Variants in EPHA8 observed in about 807,000 individuals in gnomAD.
EPHA8 encodes ephrin type-A receptor 8.
Under a neutral mutation model 103.6 loss-of-function variants are expected in EPHA8, and 58 were observed. The ratio of observed to expected loss-of-function variants is 0.56; its 90% CI spans 0.45 to 0.70. The LOEUF (loss-of-function observed/expected upper bound fraction) is 0.70. EPHA8 is among the 30% of genes least tolerant of loss of function. EPHA8 has a pLI of 0.00. For synonymous variants in EPHA8, 559 were observed against 572.5 expected (o/e 0.98, Z 0.34); for missense variants, 1,304 against 1,395.2 (o/e 0.93, Z 1.04).
At chr1:22,570,676 G>A (rs939529874) in intron 2 of EPHA8, among the ~76,000 whole-genome samples, 20 of 152,248 alleles carry the variant, frequency 1.3e-4, no homozygotes, top group African/African-American at 4.8e-4. Context: ...GGTGAGCTGA[G>A]CCTGTTATCA....
chr1:22,576,456 G>T lies in EPHA8; in HGVS notation c.399G>T (p.Leu133=). The change falls in exon 3 of 17, where the codon CTG becomes CTT. Residue 133 remains leucine (L), a synonymous_variant. Coordinates refer to ENST00000166244, the MANE Select transcript of EPHA8 (RefSeq NM_020526.5). This position sits in a 1 kb window ranked among gnomAD's most constrained non-coding sequence, Gnocchi z 4.8. ...NLYYLESDRD[L]GASTQESQFL... ...ACTACCTGGAGTCGGACCGCGACCTGGGGGCCAGCACACAAGAAAGCCAGT... is the reference window on the plus strand; with the variant it reads ...ACTACCTGGAGTCGGACCGCGACCTTGGGGCCAGCACACAAGAAAGCCAGT... The T allele has an allele frequency of 6.2e-7, 1 of 1,614,082 alleles. No homozygotes were observed. The highest frequency in any genetic ancestry group is 8.5e-7 in the Non-Finnish European group (1 of 1,180,040).
At position 22,586,554 on chromosome 1, in the gene EPHA8, G is replaced by A. The variant is rs141028919; in HGVS notation, c.898G>A (p.Ala300Thr). The change falls in exon 4 of 17, where the codon GCA (alanine) becomes ACA (threonine). Residue 300 changes from alanine to threonine, a missense_variant. Transcript: ENST00000166244. The part of the protein sequence containing the change: ...CARCPPHSHS[A>T]APAAQACHCD... ...CCGCTGCCCTCCCCACAGCCACTCC[G>A]CAGCTCCAGCCGCCCAAGCCTGCCA... is the stretch of plus-strand genomic sequence containing the variant. The A allele has an allele frequency of 8.7e-6, 14 of 1,613,658 alleles. No individual in the cohort carries two copies. The highest frequency in any genetic ancestry group is 3.3e-5 in the Admixed American group (2 of 59,986).
intron 4 of EPHA8, among the ~76,000 whole-genome samples, chr1:22,588,419 G>A (rs923746719): frequency 1.3e-5 from 2 of 152,194 alleles, no homozygotes; most frequent in African/African-American, 4.8e-5. Context: ...GCTTCTGGGG[G>A]CCTCCACTTA....
Position 22,603,371 on chromosome 1 carries a change from G to C in EPHA8, c.*1630G>C, listed in dbSNP as rs965304603. The C allele has an allele frequency of 8.1e-6, 1 of 123,544 alleles. No individual in the cohort carries two copies. The highest frequency in any genetic ancestry group is 1.9e-5 in the Non-Finnish European group (1 of 53,878). The allele number at this position is 123,544 out of a possible 1,614,324, so 7.7% of individuals were successfully genotyped here. ...CGGAAACATGGTCAGAACACGATCT[G>C]GGGGGGGGATCCTGTCTTCCTCCCC... On this transcript the variant is annotated 3_prime_UTR_variant, in exon 17 of 17. Transcript: ENST00000166244.
At chr1:22,596,035 T>C in intron 8 of EPHA8, 71 bp from the exon 9 acceptor site, 1 of 1,437,998 alleles carries the variant, frequency 7.0e-7, no homozygotes, top group Non-Finnish European at 9.8e-7. Context: ...CCATGACTCG[T>C]TCCCTGGTTG....
At position 22,576,514 on chromosome 1, in the gene EPHA8, A is replaced by C; in HGVS notation, c.457A>C (p.Ser153Arg). 1 of 1,614,104 alleles carries C rather than the reference A, an allele frequency of 6.2e-7. No individual in the cohort carries two copies. The highest frequency in any genetic ancestry group is 8.5e-7 in the Non-Finnish European group (1 of 1,180,032). Reference sequence around the variant, plus strand: ...AATCGACACCATTGCGGCCGACGAGAGCTTCACAGGTGCCGACCTTGGTGT... The same window carrying C: ...AATCGACACCATTGCGGCCGACGAGCGCTTCACAGGTGCCGACCTTGGTGT... Reference protein sequence around the residue: ...LKIDTIAADESFTGADLGVRR... With the variant: ...LKIDTIAADERFTGADLGVRR... The change falls in exon 3 of 17, where the codon AGC becomes CGC. Residue 153 changes from serine to arginine, a missense_variant. Transcript: ENST00000166244. The surrounding 1 kb of genome is among the most constrained non-coding windows in gnomAD (Gnocchi z 4.8).
intron 3 of EPHA8, among the ~76,000 whole-genome samples, chr1:22,578,032 T>A (rs1186085419): frequency 2.4e-4 from 1 of 4,230 alleles, no homozygotes; most frequent in East Asian, 0.012. Flanking sequence ...CATGTGTGCA[T>A]GTGTATGTAT....
rs1178551263 is a variant in EPHA8 at position 22,569,590 on chromosome 1, C to T, written c.159+237C>T. 1.3e-5 allele frequency among the ~76,000 whole-genome samples: 2 copies of T among 152,200 alleles called. No individual in the cohort carries two copies. Among genetic ancestry groups the T allele is most frequent in the African/African-American group, 4.8e-5 (2 of 41,452 alleles). On this transcript the variant is annotated intron_variant, in intron 2 of 16. Transcript: ENST00000166244. This position sits in a 1 kb window ranked among gnomAD's most constrained non-coding sequence, Gnocchi z 4.5. ...TCCCTGATTCTTCAAGTCTGAGGCC[C>T]TAGGTCCGGGGATCCCCATGGCTGC...
chr1:22,594,518 C>G lies in EPHA8; in HGVS notation c.1604-712C>G, dbSNP rs565360251. On this transcript the variant is annotated intron_variant, in intron 7 of 16. Coordinates refer to ENST00000166244, the MANE Select transcript of EPHA8 (RefSeq NM_020526.5). ...GGGTTTTAACAAGTCCTCGGTGATCCCCAGGCACTGTCACATTTGGGACCC... is the reference window on the plus strand; with the variant it reads ...GGGTTTTAACAAGTCCTCGGTGATCGCCAGGCACTGTCACATTTGGGACCC... Among the ~76,000 whole-genome samples, 53 of 152,328 alleles carry G rather than the reference C, an allele frequency of 3.5e-4. No individual in the cohort carries two copies. The South Asian group carries it at 8.5e-3, about 24-fold the overall frequency.
In EPHA8 at chr1:22,598,886, G is replaced by A. The variant is rs138538362; in HGVS notation, c.2227G>A (p.Gly743Arg). Residue 743 changes from glycine to arginine, a missense_variant, in exon 13 of 17, where the codon GGA becomes AGA. Physicochemically the swap from Gly to Arg is moderately radical, Grantham distance 125. Coordinates refer to ENST00000166244, the MANE Select transcript of EPHA8 (RefSeq NM_020526.5). The surrounding 1 kb of genome is among the most constrained non-coding windows in gnomAD (Gnocchi z 5.1). ...TIMQLVGMLR[G>R]VGAGMRYLSD... ...CATGCAGCTGGTGGGCATGCTGAGA[G>A]GAGTGGGTGCCGGCATGCGCTACCT... The A allele has an allele frequency of 6.2e-6, 10 of 1,613,024 alleles. No individual in the cohort carries two copies. Among genetic ancestry groups the A allele is most frequent in the Non-Finnish European group, 8.5e-6 (10 of 1,179,990 alleles).
chr1:22,587,457 T>C (rs902398596), intron 4 of EPHA8, among the ~76,000 whole-genome samples: 2 of 152,178 alleles, frequency 1.3e-5, no homozygotes, highest in African/African-American at 2.4e-5. Context: ...TGTGGCTGCA[T>C]GTGCACGTGC....
Position 22,601,406 on chromosome 1 carries a change from C to T in EPHA8, c.2836C>T (p.Arg946Trp), listed in dbSNP as rs752835457. 57 of 1,611,284 alleles carry T rather than the reference C, an allele frequency of 3.5e-5. No individual in the cohort carries two copies. Among genetic ancestry groups the T allele is most frequent in the Non-Finnish European group, 4.3e-5 (51 of 1,179,856 alleles). Reference sequence around the variant, plus strand: ...CTGGCTGGACTCCATCCGCATGGGCCGGTACCGAGACCACTTCGCTGCGGG... The same window carrying T: ...CTGGCTGGACTCCATCCGCATGGGCTGGTACCGAGACCACTTCGCTGCGGG... ...GDWLDSIRMG[R>W]YRDHFAAGGY... The change falls in exon 16 of 17, where the codon CGG (arginine) becomes TGG (tryptophan). Residue 946 changes from arginine to tryptophan, a missense_variant. Physicochemically the swap from Arg to Trp is moderately radical, Grantham distance 101 (BLOSUM62 -3). Coordinates refer to ENST00000166244, the MANE Select transcript of EPHA8 (RefSeq NM_020526.5).
intron 15 of EPHA8, 34 bp from the exon 16 acceptor site, chr1:22,601,266 C>A (rs1193503941): frequency 6.3e-7 from 1 of 1,579,798 alleles, no homozygotes; most frequent in African/African-American, 1.4e-5. Flanking sequence ...CTCCCGAACC[C>A]TCTGGCCACT....
rs955539457 is a variant in EPHA8 at position 22,602,305 on chromosome 1, C to T, written c.*564C>T. The T allele has an allele frequency of 6.2e-6, 1 of 160,768 alleles. No homozygotes were observed. Among genetic ancestry groups the T allele is most frequent in the African/African-American group, 2.4e-5 (1 of 41,420 alleles). 10.0% of individuals were successfully genotyped at this position (160,768 alleles called of 1,614,324 possible). A position where few individuals can be genotyped will look rare whatever the true frequency, so the allele number is the denominator to read the frequency against. On this transcript the variant is annotated 3_prime_UTR_variant, in exon 17 of 17. Transcript: ENST00000166244. ...CATGGGGGCGGGGGAGAGGCTCACCCCTACGTCCCCCCACACCTGGAGGCT... is the reference window on the plus strand; with the variant it reads ...CATGGGGGCGGGGGAGAGGCTCACCTCTACGTCCCCCCACACCTGGAGGCT...
rs574691352 is a variant in EPHA8 at position 22,568,384 on chromosome 1, G to A, written c.95-905G>A. 3.9e-5 allele frequency among the ~76,000 whole-genome samples: 6 copies of A among 152,276 alleles called. No individual in the cohort carries two copies. The South Asian group carries it at 1.2e-3, about 32-fold the overall frequency. ...TGGACCAGTGCTCCTTCCCTGCCGT[G>A]GAGACTACCCAGAGGTTCTGTTTCT... On this transcript the variant is annotated intron_variant, in intron 1 of 16. Transcript: ENST00000166244.
At position 22,599,067 on chromosome 1, in the gene EPHA8, TC is replaced by T. The variant is rs1424597597; in HGVS notation, c.2388+22del. 2 of 1,577,936 alleles carry T rather than the reference TC, an allele frequency of 1.3e-6. No individual in the cohort carries two copies. The highest frequency in any genetic ancestry group is 2.7e-5 in the African/African-American group (2 of 74,250). On this transcript the variant is annotated intron_variant, in intron 13 of 16. Coordinates refer to ENST00000166244, the MANE Select transcript of EPHA8 (RefSeq NM_020526.5). ...ACCACGGTGCGTCGCCCACACTCCT[TC>T]CGGCTAGACTGGGGAGTGGGGAGAT...
chr1:22,580,127 CTTTTTTTTTTTT>C (rs764600240), intron 3 of EPHA8, among the ~76,000 whole-genome samples: 40 of 97,424 alleles, frequency 4.1e-4, no homozygotes, highest in African/African-American at 1.4e-3. Context: ...CTTTCTTTCT[CTTTTTTTTTTTT>C]TTTTTTTTTT....
chr1:22,578,755 ATGTG>A (rs140297415), intron 3 of EPHA8, among the ~76,000 whole-genome samples: 2 of 145,500 alleles, frequency 1.4e-5, no homozygotes, highest in Non-Finnish European at 3.0e-5. Context: ...GGATTTGTGC[ATGTG>A]TGTGAATGTA....
At chr1:22,579,167 ATG>A (rs143431371) in intron 3 of EPHA8, among the ~76,000 whole-genome samples, 5,535 of 145,126 alleles carry the variant, frequency 0.038, 137 homozygotes, top group East Asian at 0.1. Context: ...GTATGTATGC[ATG>A]TGTGTGCATG....
Sources: allele counts gnomAD v4.1 joint callset (sites outside exome capture counted in the v4.1 genomes callset), GRCh38; gene constraint gnomAD v4.1.1; non-coding constraint Gnocchi (gnomAD v3.1); transcripts MANE v1.5; gene names NCBI Gene and HGNC (gene_info 2026-07-23, HGNC 2026-07-21).